Variants in PACRG observed in about 807,000 individuals in gnomAD.
PACRG encodes parkin coregulated gene protein.
A neutral mutation model predicts 29.7 loss-of-function variants in PACRG; 29 were observed. That is an observed-to-expected ratio of 0.98 (90% CI 0.73 to 1.33). PACRG has a LOEUF of 1.33. PACRG is among the 40% of genes most tolerant of loss of function. The pLI is 0.00. For synonymous variants in PACRG, 116 were observed against 118.7 expected (o/e 0.98, Z 0.15); for missense variants, 279 against 316.2 (o/e 0.88, Z 0.89).
intron 4 of PACRG, among the ~76,000 whole-genome samples, chr6:163,112,959 T>C (rs1288128493): frequency 1.3e-5 from 2 of 151,976 alleles, no homozygotes; most frequent in African/African-American, 2.4e-5. Flanking sequence ...AAAACAACTA[T>C]CTTAAAGATA....
At chr6:162,932,050 G>T (rs996486750) in intron 2 of PACRG, among the ~76,000 whole-genome samples, 1 of 151,854 alleles carries the variant, frequency 6.6e-6, no homozygotes, top group African/African-American at 2.4e-5. Context: ...GATGATGTAC[G>T]CATACTACAG....
chr6:162,780,887 T>A (rs1784046203), intron 1 of PACRG, among the ~76,000 whole-genome samples: 1 of 151,976 alleles, frequency 6.6e-6, no homozygotes, highest in Non-Finnish European at 1.5e-5. Flanking sequence ...AAAAGAACAT[T>A]TTTTCAGCAG....
chr6:162,951,848 G>C (rs1799678101), intron 2 of PACRG, among the ~76,000 whole-genome samples: 1 of 152,100 alleles, frequency 6.6e-6, no homozygotes, highest in Non-Finnish European at 1.5e-5. Flanking sequence ...AGTCTTACTG[G>C]GGAGGGGAGC....
chr6:162,926,078 C>G (rs534502233), intron 2 of PACRG, among the ~76,000 whole-genome samples: 2 of 151,974 alleles, frequency 1.3e-5, no homozygotes, highest in Non-Finnish European at 2.9e-5. Flanking sequence ...AATAAAATAC[C>G]TAGGAATACA....
intron 2 of PACRG, among the ~76,000 whole-genome samples, chr6:162,933,248 G>T (rs1172439954): frequency 6.6e-6 from 1 of 152,128 alleles, no homozygotes; most frequent in Admixed American, 6.5e-5. Flanking sequence ...AATGTGTTGA[G>T]ACTTGTTTTG....
intron 4 of PACRG, among the ~76,000 whole-genome samples, chr6:163,169,136 T>C (rs34645491): frequency 0.45 from 69,124 of 152,044 alleles, 16,178 homozygotes; most frequent in East Asian, 0.56. Flanking sequence ...AAGCTCAAGA[T>C]GAGAAGCAGT....
chr6:162,874,173 T>C (rs1017537319), intron 2 of PACRG, among the ~76,000 whole-genome samples: 8 of 149,696 alleles, frequency 5.3e-5, no homozygotes, highest in African/African-American at 2.0e-4. Flanking sequence ...TATATGTATA[T>C]ATATGCTCAG....
chr6:162,761,573 A>C (rs1222899914), intron 1 of PACRG, among the ~76,000 whole-genome samples: 1 of 152,066 alleles, frequency 6.6e-6, no homozygotes, highest in African/African-American at 2.4e-5. Flanking sequence ...TTCTAATCTT[A>C]TAGGTGGAGA....
At chr6:162,924,455 G>A (rs1023537794) in intron 2 of PACRG, among the ~76,000 whole-genome samples, 1 of 152,020 alleles carries the variant, frequency 6.6e-6, no homozygotes, top group African/African-American at 2.4e-5. Context: ...GGGCATCCTT[G>A]TCTTGTTCCA....
At chr6:163,219,740 C>T (rs1343040712) in intron 4 of PACRG, among the ~76,000 whole-genome samples, 2 of 151,988 alleles carry the variant, frequency 1.3e-5, no homozygotes, top group Non-Finnish European at 2.9e-5. Flanking sequence ...CACCTGCCTC[C>T]TCCTGCTGCC....
At chr6:163,043,345 C>A (rs1183899937) in intron 2 of PACRG, among the ~76,000 whole-genome samples, 1 of 152,168 alleles carries the variant, frequency 6.6e-6, no homozygotes, top group African/African-American at 2.4e-5. Context: ...ATTTTGAGGT[C>A]AGGAGTTTGA....
At chr6:162,747,918 C>G (rs1781211028) in intron 1 of PACRG, among the ~76,000 whole-genome samples, 4 of 152,074 alleles carry the variant, frequency 2.6e-5, no homozygotes. Flanking sequence ...ATCATATTTT[C>G]TGGAAAGAAG....
At chr6:162,781,402 A>G (rs1189367693) in intron 1 of PACRG, among the ~76,000 whole-genome samples, 1 of 151,986 alleles carries the variant, frequency 6.6e-6, no homozygotes, top group Non-Finnish European at 1.5e-5. Context: ...CAGAAGGAAA[A>G]TGGAAATAGA....
In PACRG at chr6:163,112,008, T is replaced by C. The variant is rs989046193; in HGVS notation, c.613+22600T>C. The C allele has an allele frequency of 1.1e-5, 10 of 930,502 alleles. No homozygotes were observed. The African/African-American group carries it at 1.6e-4, about 15-fold the overall frequency. 57.6% of individuals were successfully genotyped at this position (930,502 alleles called of 1,614,324 possible). Reference sequence around the variant, plus strand: ...ATTTTCTGATAATCTAGGTTTTCACTTGATTTGCTTTATTTAGGTGACACT... The same window carrying C: ...ATTTTCTGATAATCTAGGTTTTCACCTGATTTGCTTTATTTAGGTGACACT... On this transcript the variant is annotated intron_variant, in intron 4 of 4. Coordinates refer to ENST00000366888, the MANE Select transcript of PACRG (RefSeq NM_001080379.2).
chr6:162,842,638 TA>T (rs1231604096), intron 2 of PACRG, among the ~76,000 whole-genome samples: 1 of 102,866 alleles, frequency 9.7e-6, no homozygotes, highest in East Asian at 3.1e-4. Context: ...ATCCTGTCAT[TA>T]TGATGTTAGC....
intron 4 of PACRG, among the ~76,000 whole-genome samples, chr6:163,130,012 G>A (rs1816670112): frequency 6.6e-6 from 1 of 152,214 alleles, no homozygotes; most frequent in South Asian, 2.1e-4. Flanking sequence ...AAAGAAAAGT[G>A]TACCTCATGT....
At chr6:163,044,029 CAGTT>C (rs797012202) in intron 2 of PACRG, among the ~76,000 whole-genome samples, 22 of 152,154 alleles carry the variant, frequency 1.4e-4, no homozygotes, top group African/African-American at 5.1e-4. Context: ...GGGCTGTCCT[CAGTT>C]AGAGAACAGG....
chr6:163,310,472 A>G (rs1191985770), intron 4 of PACRG: 4 of 152,118 alleles, frequency 2.6e-5, no homozygotes, highest in African/African-American at 9.7e-5. Flanking sequence ...TATAGCGCGG[A>G]GTAGATGCTT....
At position 163,315,067 on chromosome 6, in the gene PACRG, T is replaced by A; in HGVS notation, c.*80T>A. 1 of 1,474,568 alleles carries A rather than the reference T, an allele frequency of 6.8e-7. No individual in the cohort carries two copies. The highest frequency in any genetic ancestry group is 9.2e-7 in the Non-Finnish European group (1 of 1,081,762). 91.3% of individuals were successfully genotyped at this position (1,474,568 alleles called of 1,614,324 possible). On this transcript the variant is annotated 3_prime_UTR_variant, in exon 5 of 5. Transcript: ENST00000366888. ...CTGTTGCTTTTAGCATCTCATTCCT[T>A]GTGACTTCCACAGCTTTCTTTTCTA...
Sources: allele counts gnomAD v4.1 joint callset (sites outside exome capture counted in the v4.1 genomes callset), GRCh38; gene constraint gnomAD v4.1.1; transcripts MANE v1.5; gene names NCBI Gene and HGNC (gene_info 2026-07-23, HGNC 2026-07-21).